GRIP1: variants seen among roughly 807,000 people sequenced by gnomAD.
GRIP1 encodes glutamate receptor-interacting protein 1.
GRIP1 carries 45 observed loss-of-function variants against 129.9 expected under a neutral mutation model. That is an observed-to-expected ratio of 0.35 (90% CI 0.27 to 0.44). GRIP1 has a LOEUF of 0.44. Among genes scored for constraint, GRIP1 ranks in the 20% least tolerant of loss-of-function variants. GRIP1 has a pLI of 1.00. For missense variants in GRIP1, 1,196 were observed against 1,396.8 expected, an observed-to-expected ratio of 0.86 and a Z score of 2.29; for synonymous variants, 530 against 520.8, an observed-to-expected ratio of 1.02 and a Z score of -0.24.
At chr12:66,873,570 T>C (rs894059071) in intron 1 of GRIP1, among the ~76,000 whole-genome samples, 1 of 152,070 alleles carries the variant, frequency 6.6e-6, no homozygotes, top group African/African-American at 2.4e-5. Context: ...CATCAGTATA[T>C]AATTTGACTA....
In GRIP1 at chr12:66,465,305, T is replaced by A; in HGVS notation, c.842A>T (p.Asp281Val). The change falls in exon 8 of 25, where the codon GAC becomes GTC. Residue 281 changes from aspartate to valine, a missense_variant. Transcript: ENST00000359742. ...TGCAATACTTGCAGATTTGATTTTG[T>A]CTATGACAATGACTTGTTTGTTACA... ...MCCNKQVIVI[D>V]KIKSASIADR... 1 of 1,614,024 alleles carries A rather than the reference T, an allele frequency of 6.2e-7. No homozygotes were observed. Among genetic ancestry groups the A allele is most frequent in the Non-Finnish European group, 8.5e-7 (1 of 1,179,890 alleles).
At chr12:66,905,752 G>C (rs1431586905) in intron 1 of GRIP1, among the ~76,000 whole-genome samples, 1 of 152,166 alleles carries the variant, frequency 6.6e-6, no homozygotes, top group Non-Finnish European at 1.5e-5. Context: ...GACAGACTAA[G>C]TTTAGAATGC....
intron 1 of GRIP1, among the ~76,000 whole-genome samples, chr12:66,764,738 T>C (rs533170699): frequency 6.6e-6 from 1 of 152,314 alleles, no homozygotes; most frequent in South Asian, 2.1e-4. Context: ...TGGGATAAAG[T>C]GTAACCAGCC....
intron 1 of GRIP1, among the ~76,000 whole-genome samples, chr12:66,640,626 T>C (rs1382949801): frequency 6.6e-6 from 1 of 152,188 alleles, no homozygotes; most frequent in Non-Finnish European, 1.5e-5. Context: ...TTTTTCATTC[T>C]TGAGAAAGAA....
chr12:66,944,749 T>G (rs1002575328), intron 1 of GRIP1, among the ~76,000 whole-genome samples: 1 of 152,188 alleles, frequency 6.6e-6, no homozygotes, highest in Non-Finnish European at 1.5e-5. Context: ...CACCCTTTCC[T>G]CACCAAAAGT....
chr12:66,946,271 G>A (rs1469874731), intron 1 of GRIP1, among the ~76,000 whole-genome samples: 2 of 152,112 alleles, frequency 1.3e-5, no homozygotes, highest in Non-Finnish European at 2.9e-5. Flanking sequence ...GGGCAATTCA[G>A]TTCTCTCCAG....
At chr12:66,842,118 A>G (rs1040159080) in intron 1 of GRIP1, among the ~76,000 whole-genome samples, 2 of 152,090 alleles carry the variant, frequency 1.3e-5, no homozygotes, top group Non-Finnish European at 2.9e-5. Context: ...TAAAAACTAA[A>G]AGTATATGCC....
chr12:67,027,140 G>A (rs906583711), intron 1 of GRIP1, among the ~76,000 whole-genome samples: 2 of 152,184 alleles, frequency 1.3e-5, no homozygotes, highest in South Asian at 4.1e-4. Context: ...AGAGCAGGGA[G>A]GAGGGGGAGA....
intron 2 of GRIP1, among the ~76,000 whole-genome samples, chr12:66,553,429 A>T (rs2062209014): frequency 6.6e-6 from 1 of 151,992 alleles, no homozygotes; most frequent in African/African-American, 2.4e-5. Context: ...TCTAGCAGTA[A>T]ATGATGTAGA....
rs148288648 is a variant in GRIP1, at chr12:66,685,389, A to C, written c.-419-55053T>G. On this transcript the variant is annotated intron_variant, in intron 1 of 4. Transcript: ENST00000538373. Reference sequence around the variant, plus strand: ...AATAATCTCATGGATTTAGGATATCATACAGCTGAGTTATGTCAGATACTT... The same window carrying C: ...AATAATCTCATGGATTTAGGATATCCTACAGCTGAGTTATGTCAGATACTT... Among the ~76,000 whole-genome samples, 234 of 152,268 alleles carry C rather than the reference A, an allele frequency of 1.5e-3. 1 individual carries two copies. Among genetic ancestry groups the C allele is most frequent in the African/African-American group, 5.4e-3 (225 of 41,550 alleles).
At chr12:66,523,211 C>A (rs1393747901) in intron 5 of GRIP1, among the ~76,000 whole-genome samples, 1 of 151,080 alleles carries the variant, frequency 6.6e-6, no homozygotes, top group African/African-American at 2.4e-5. Context: ...AAGAGCAACT[C>A]CAAGACACAT....
chr12:66,616,943 C>T (rs2065062491), intron 1 of GRIP1, among the ~76,000 whole-genome samples: 1 of 152,072 alleles, frequency 6.6e-6, no homozygotes, highest in Non-Finnish European at 1.5e-5. Context: ...TACCCATCTA[C>T]TAGAATAAAT....
In GRIP1 at chr12:66,853,583, C is replaced by A. The variant is rs187747508; in HGVS notation, c.58+215467G>T. 7.5e-3 allele frequency among the ~76,000 whole-genome samples: 1,147 copies of A among 152,106 alleles called. 19 individuals carry two copies. Among genetic ancestry groups the A allele is most frequent in the African/African-American group, 0.027 (1,104 of 41,528 alleles). ...AAATGTCAACCCCATTCTGAAGAAT[C>A]CAAGCTGCTCCCCAGCAGTTTGAAC... On this transcript the variant is annotated intron_variant, in intron 1 of 1. Transcript: ENST00000643019.
At chr12:66,825,310 T>C (rs1207200811) in intron 1 of GRIP1, among the ~76,000 whole-genome samples, 1 of 152,192 alleles carries the variant, frequency 6.6e-6, no homozygotes, top group African/African-American at 2.4e-5. Flanking sequence ...ACATCGTCAT[T>C]ATTACCTTTC....
At chr12:66,897,884 C>T (rs887719978) in intron 1 of GRIP1, among the ~76,000 whole-genome samples, 2 of 151,898 alleles carry the variant, frequency 1.3e-5, no homozygotes, top group African/African-American at 4.8e-5. Context: ...AATAATAATC[C>T]GCCACAAATT....
chr12:66,800,040 A>G (rs1215638907), intron 1 of GRIP1, among the ~76,000 whole-genome samples: 8 of 152,204 alleles, frequency 5.3e-5, no homozygotes, highest in African/African-American at 1.9e-4. Context: ...ACAATGCATC[A>G]TAAAATAATT....
At chr12:66,955,758 C>G (rs547241517) in intron 1 of GRIP1, among the ~76,000 whole-genome samples, 1 of 151,930 alleles carries the variant, frequency 6.6e-6, no homozygotes, top group African/African-American at 2.4e-5. Flanking sequence ...CCACCCGCCT[C>G]GGCCTCCCAA....
intron 23 of GRIP1, among the ~76,000 whole-genome samples, chr12:66,362,638 G>A (rs2054844105): frequency 6.6e-6 from 1 of 151,826 alleles, no homozygotes; most frequent in Non-Finnish European, 1.5e-5. Flanking sequence ...CTAGAAATAC[G>A]TACATTTGAT....
chr12:66,961,788 T>C (rs566679554), intron 1 of GRIP1, among the ~76,000 whole-genome samples: 2 of 152,306 alleles, frequency 1.3e-5, no homozygotes, highest in African/African-American at 4.8e-5. Context: ...ACTCTGTGCA[T>C]TTCTGAATGC....
Sources: gnomAD v4.1 joint callset for allele counts (sites outside exome capture counted in the v4.1 genomes callset) on GRCh38, gnomAD v4.1.1 for gene constraint, MANE v1.5 for transcripts, NCBI Gene and HGNC (gene_info 2026-07-23, HGNC 2026-07-21) for gene names.